The following RPS6KA6 variants were observed in gnomAD, a reference collection of about 807,000 sequenced individuals.
The protein encoded by RPS6KA6 is ribosomal protein S6 kinase A6.
In RPS6KA6, 27 loss-of-function variants were observed where a neutral mutation model predicts 65.4. The observed-to-expected ratio is 0.41, with a 90% CI of 0.30 to 0.57. The LOEUF is 0.57. Ranked by LOEUF, RPS6KA6 falls within the 20% of genes least tolerant of loss-of-function variation. The probability of loss-of-function intolerance (pLI) is 0.24; values close to 1 mark genes in which losing one functional copy is unlikely to be tolerated. For missense variants in RPS6KA6, 486 were observed against 555.6 expected (o/e 0.87, Z 1.26); for synonymous variants, 190 against 184.2 (o/e 1.03, Z -0.26).
chrX:84,134,414 G>C (rs1450438361), intron 8 of RPS6KA6, among the ~76,000 whole-genome samples: 2 of 111,159 alleles, frequency 1.8e-5, no homozygotes, highest in African/African-American at 6.5e-5. Context: ...AAATTATAGA[G>C]ATGTAGGACA....
At chrX:84,109,305 C>T (rs1329224074) in intron 12 of RPS6KA6, among the ~76,000 whole-genome samples, 1 of 111,635 alleles carries the variant, frequency 9.0e-6, no homozygotes, top group Non-Finnish European at 1.9e-5. Flanking sequence ...GAGCCTAGCC[C>T]CCCATAGGCC....
chrX:84,086,293 T>A (rs889967556), intron 20 of RPS6KA6, among the ~76,000 whole-genome samples: 3 of 111,679 alleles, frequency 2.7e-5, no homozygotes, highest in African/African-American at 9.8e-5. Context: ...ATGTGGACAT[T>A]TTGTGCTATA....
At chrX:84,128,195 C>T (rs1325726130) in intron 8 of RPS6KA6, among the ~76,000 whole-genome samples, 4 of 110,867 alleles carry the variant, frequency 3.6e-5, no homozygotes, top group African/African-American at 6.6e-5. Flanking sequence ...AAAATGAAAT[C>T]CAGAAAGTGA....
intron 17 of RPS6KA6, among the ~76,000 whole-genome samples, chrX:84,103,620 C>CAATAATA (rs2034298724): frequency 9.0e-6 from 1 of 110,818 alleles, no homozygotes; most frequent in South Asian, 3.7e-4. Context: ...AAGGTTCATA[C>CAATAATA]AATAATAAAG....
At chrX:84,181,332 A>G (rs778233666) in intron 1 of RPS6KA6, among the ~76,000 whole-genome samples, 111 of 111,791 alleles carry the variant, frequency 9.9e-4, no homozygotes, top group Non-Finnish European at 1.6e-3. Flanking sequence ...GCTGAACTAT[A>G]TCAAAACTAG....
chrX:84,149,107 C>T (rs1447058899), intron 3 of RPS6KA6, among the ~76,000 whole-genome samples: 1 of 112,049 alleles, frequency 8.9e-6, no homozygotes, highest in Non-Finnish European at 1.9e-5. Context: ...CTCAAAAAAA[C>T]TATTTTCTTT....
At chrX:84,159,830 C>T (rs1306021325) in intron 2 of RPS6KA6, among the ~76,000 whole-genome samples, 1 of 110,027 alleles carries the variant, frequency 9.1e-6, no homozygotes, top group African/African-American at 3.3e-5. Flanking sequence ...TGACTGACAT[C>T]CTTATTTGAG....
intron 1 of RPS6KA6, chrX:84,186,016 C>G (rs975090730): frequency 5.9e-6 from 3 of 507,093 alleles, no homozygotes; most frequent in Non-Finnish European, 1.1e-5. Flanking sequence ...CCAATCATAA[C>G]TGTTTTAGAG....
chrX:84,167,374 G>C (rs1569242245), intron 1 of RPS6KA6, among the ~76,000 whole-genome samples: 1 of 112,046 alleles, frequency 8.9e-6, no homozygotes, highest in African/African-American at 3.2e-5. Flanking sequence ...GAAGAGAACT[G>C]TTGATACTTG....
At chrX:84,106,767 A>C in intron 14 of RPS6KA6, 143 bp downstream of exon 14, 1 of 505,336 alleles carries the variant, frequency 2.0e-6, no homozygotes, top group Admixed American at 4.7e-5. Context: ...CAAAACACAC[A>C]GGGACATATT....
chrX:84,070,182 G>A (rs749969908), intron 20 of RPS6KA6, among the ~76,000 whole-genome samples: 1 of 112,220 alleles, frequency 8.9e-6, no homozygotes, highest in South Asian at 3.7e-4. Flanking sequence ...ATGACAGACT[G>A]GATGAAGAAT....
intron 21 of RPS6KA6, among the ~76,000 whole-genome samples, 176 bp from the exon 22 acceptor site, chrX:84,064,578 T>A (rs1347238753): frequency 8.9e-6 from 1 of 112,336 alleles, no homozygotes; most frequent in African/African-American, 3.2e-5. Context: ...GTTTTTCATT[T>A]CAATAACTAT....
intron 2 of RPS6KA6, among the ~76,000 whole-genome samples, chrX:84,162,692 T>C (rs753678053): frequency 1.4e-4 from 16 of 111,962 alleles, no homozygotes; most frequent in African/African-American, 5.2e-4. Context: ...AGCCATGATA[T>C]CCTTGTGAAT....
rs190415707 is a variant in RPS6KA6 at position 84,127,498 on chromosome X, C to T, written c.646+7284G>A. On this transcript the variant is annotated intron_variant, in intron 8 of 21. Coordinates refer to ENST00000262752, the MANE Select transcript of RPS6KA6 (RefSeq NM_014496.5). ...GCAAGTATTACCCTGATACCCAAAC[C>T]AGACAAAGATAAGACAACAAAAAAC... Among the ~76,000 whole-genome samples the T allele has an allele frequency of 2.7e-5, 3 of 111,102 alleles. No homozygotes were observed. In the East Asian group the frequency reaches 8.4e-4, roughly 31 times the overall value.
chrX:84,133,259 G>A (rs1209769710), intron 8 of RPS6KA6, among the ~76,000 whole-genome samples: 5 of 111,422 alleles, frequency 4.5e-5, no homozygotes, highest in African/African-American at 1.6e-4. Flanking sequence ...GAATGCTGTC[G>A]GGGTAAATCC....
At chrX:84,151,094 AG>A (rs1221411613) in intron 3 of RPS6KA6, among the ~76,000 whole-genome samples, 2 of 97,630 alleles carry the variant, frequency 2.0e-5, no homozygotes, top group Non-Finnish European at 4.0e-5. Flanking sequence ...AGATATATAG[AG>A]GATAGATATA....
intron 21 of RPS6KA6, 76 bp from the exon 22 acceptor site, chrX:84,064,478 C>T: frequency 1.1e-6 from 1 of 944,252 alleles, no homozygotes; most frequent in Non-Finnish European, 1.4e-6. Flanking sequence ...CACATGATAT[C>T]ATGAGACATA....
chrX:84,179,794 A>G (rs763918596), intron 1 of RPS6KA6, among the ~76,000 whole-genome samples: 1 of 111,942 alleles, frequency 8.9e-6, no homozygotes, highest in East Asian at 2.8e-4. Flanking sequence ...TATATGTTCT[A>G]TCATTCTTGT....
intron 1 of RPS6KA6, among the ~76,000 whole-genome samples, chrX:84,169,777 A>G (rs1333803876): frequency 1.8e-5 from 2 of 112,014 alleles, no homozygotes; most frequent in African/African-American, 6.5e-5. Context: ...GGTGATGCAA[A>G]TGATTAACAA....
Sources: gnomAD v4.1 joint callset for allele counts (sites outside exome capture counted in the v4.1 genomes callset) on GRCh38, gnomAD v4.1.1 for gene constraint, MANE v1.5 for transcripts, NCBI Gene and HGNC (gene_info 2026-07-23, HGNC 2026-07-21) for gene names.